Variants in NDST3 observed in about 807,000 individuals in gnomAD.
NDST3 encodes the protein bifunctional heparan sulfate N-deacetylase/N-sulfotransferase 3.
NDST3 carries 58 observed loss-of-function variants against 96.1 expected under a neutral mutation model. The ratio of observed to expected loss-of-function variants is 0.60; its 90% confidence interval spans 0.49 to 0.75. NDST3 has a LOEUF of 0.75. Among genes scored for constraint, NDST3 ranks in the 30% least tolerant of loss-of-function variants. NDST3 has a pLI of 0.00. For missense variants in NDST3, 788 were observed against 1,034.2 expected, an observed-to-expected ratio of 0.76 and a Z score of 3.27; for synonymous variants, 333 against 359.7, an observed-to-expected ratio of 0.93 and a Z score of 0.84.
intron 4 of NDST3, among the ~76,000 whole-genome samples, chr4:118,127,427 A>G (rs1732203660): frequency 6.6e-6 from 1 of 152,070 alleles, no homozygotes; most frequent in Non-Finnish European, 1.5e-5. Flanking sequence ...TAGTTTTTCA[A>G]GCACCATTTG....
chr4:118,232,260 A>G (rs956904028), intron 8 of NDST3, among the ~76,000 whole-genome samples: 4 of 152,166 alleles, frequency 2.6e-5, no homozygotes, highest in African/African-American at 7.2e-5. Context: ...ATTACCGTCA[A>G]AATGTCTTCA....
rs201586980 is a variant in NDST3, at chr4:118,168,541, AC to A, written c.1539+24858del. Among the ~76,000 whole-genome samples the A allele has an allele frequency of 9.1e-3, 1,378 of 152,226 alleles. 25 individuals are homozygous for A. The highest frequency in any genetic ancestry group is 0.082 in the Middle Eastern group (24 of 294). On this transcript the variant is annotated intron_variant, in intron 6 of 13. Transcript: ENST00000296499. ...ACAGTTGGTAAGAATGTAAAATGGT[AC>A]GGCTGCTATGGAAAACTATGGAGGT... is the stretch of plus-strand genomic sequence containing the variant.
intron 6 of NDST3, among the ~76,000 whole-genome samples, chr4:118,219,395 C>T (rs898853048): frequency 6.6e-6 from 1 of 152,108 alleles, no homozygotes; most frequent in Non-Finnish European, 1.5e-5. Context: ...CATACATCTA[C>T]AACCATCTGA....
rs553931504 is a variant in NDST3, at chr4:118,106,824, C to T, written c.1069+1719C>T. On this transcript the variant is annotated intron_variant, in intron 3 of 13. Coordinates refer to ENST00000296499, the MANE Select transcript of NDST3 (RefSeq NM_004784.3). ...AAATCTAATTGGCTGGGTGTGGTGG[C>T]TCATGCCTGTAATCCCAGCACTTTG... Among the ~76,000 whole-genome samples, 253 of 152,176 alleles carry T rather than the reference C, an allele frequency of 1.7e-3. 2 individuals carry two copies. Among genetic ancestry groups the T allele is most frequent in the African/African-American group, 5.8e-3 (242 of 41,528 alleles).
Position 118,054,702 on chromosome 4 carries a change from T to C in NDST3, c.792T>C (p.His264=). 16 of 1,613,456 alleles carry C rather than the reference T, an allele frequency of 9.9e-6. No homozygotes were observed. Among genetic ancestry groups the C allele is most frequent in the Non-Finnish European group, 1.4e-5 (16 of 1,179,536 alleles). Residue 264 remains histidine (H), a synonymous_variant, in exon 2 of 14, where the codon CAT becomes CAC. Transcript: ENST00000296499. The part of the protein sequence containing the change: ...YATIIHDLGL[H]DGIQRVLFGN... Reference sequence around the variant, plus strand: ...CTATTATACATGACCTGGGGCTTCATGATGGAATTCAAAGGGTTCTTTTTG... The same window carrying C: ...CTATTATACATGACCTGGGGCTTCACGATGGAATTCAAAGGGTTCTTTTTG...
chr4:118,164,182 C>A (rs1306056951), intron 6 of NDST3, among the ~76,000 whole-genome samples: 1 of 152,112 alleles, frequency 6.6e-6, no homozygotes, highest in African/African-American at 2.4e-5. Context: ...AAAATCACAT[C>A]CTTTGCAAGA....
intron 6 of NDST3, among the ~76,000 whole-genome samples, chr4:118,148,669 A>T (rs1160105777): frequency 6.6e-6 from 1 of 152,192 alleles, no homozygotes; most frequent in Non-Finnish European, 1.5e-5. Context: ...TATAAAAAGA[A>T]ATTAACCCAC....
chr4:118,204,308 A>G (rs1738299678), intron 6 of NDST3, among the ~76,000 whole-genome samples: 1 of 145,628 alleles, frequency 6.9e-6, no homozygotes, highest in South Asian at 2.3e-4. Flanking sequence ...AAAAAGCCTT[A>G]GACAAATTAA....
intron 2 of NDST3, among the ~76,000 whole-genome samples, chr4:118,086,607 A>G (rs1236271794): frequency 6.6e-6 from 1 of 152,154 alleles, no homozygotes; most frequent in Non-Finnish European, 1.5e-5. Flanking sequence ...TTAGTGTCAA[A>G]GTAAAAGTCA....
rs938993171 is a variant in NDST3 at position 118,090,171 on chromosome 4, C to T, written c.982-14847C>T. On this transcript the variant is annotated intron_variant, in intron 2 of 13. Coordinates refer to ENST00000296499, the MANE Select transcript of NDST3 (RefSeq NM_004784.3). Reference sequence around the variant, plus strand: ...AAGAAGCCGTTAAAACCACCTATACCTACACCTATATAACTAGCACATTCC... The same window carrying T: ...AAGAAGCCGTTAAAACCACCTATACTTACACCTATATAACTAGCACATTCC... Among the ~76,000 whole-genome samples, 26 of 152,060 alleles carry T rather than the reference C, an allele frequency of 1.7e-4. No individual in the cohort carries two copies. The East Asian group carries it at 4.8e-3, about 28-fold the overall frequency.
intron 2 of NDST3, among the ~76,000 whole-genome samples, chr4:118,065,376 G>A (rs1042623698): frequency 4.6e-5 from 7 of 152,030 alleles, no homozygotes; most frequent in African/African-American, 7.2e-5. Context: ...GCTGTTAAAC[G>A]CTTCATATCC....
intron 9 of NDST3, among the ~76,000 whole-genome samples, chr4:118,236,047 G>T (rs1244326514): frequency 1.3e-5 from 2 of 151,924 alleles, no homozygotes; most frequent in Non-Finnish European, 2.9e-5. Flanking sequence ...AAAAAAAACA[G>T]GTCATTGCAT....
intron 7 of NDST3, among the ~76,000 whole-genome samples, chr4:118,225,552 C>A (rs1739817586): frequency 6.6e-6 from 1 of 152,150 alleles, no homozygotes; most frequent in Admixed American, 6.5e-5. Flanking sequence ...GAGCAGGAAT[C>A]AGTTGTAGGC....
intron 9 of NDST3, among the ~76,000 whole-genome samples, chr4:118,235,471 T>C (rs1181668302): frequency 1.3e-5 from 2 of 152,190 alleles, no homozygotes; most frequent in African/African-American, 2.4e-5. Context: ...CAACACATTA[T>C]AGGTCCAAGA....
chr4:118,047,431 T>C (rs1351926258), intron 1 of NDST3, among the ~76,000 whole-genome samples: 1 of 152,208 alleles, frequency 6.6e-6, no homozygotes, highest in Non-Finnish European at 1.5e-5. Flanking sequence ...ATGACAGACA[T>C]ATTATTTAGA....
At chr4:118,243,136 G>A (rs1303806288) in intron 12 of NDST3, among the ~76,000 whole-genome samples, 1 of 133,894 alleles carries the variant, frequency 7.5e-6, no homozygotes, top group Non-Finnish European at 1.8e-5. Flanking sequence ...AACTGAAAAA[G>A]ACTATCATGG....
chr4:118,059,118 C>G (rs1233758729), intron 2 of NDST3, among the ~76,000 whole-genome samples: 1 of 152,058 alleles, frequency 6.6e-6, no homozygotes, highest in Non-Finnish European at 1.5e-5. Flanking sequence ...GGTACACATT[C>G]CTTTCAAACT....
At chr4:118,181,989 T>C (rs1736636167) in intron 6 of NDST3, among the ~76,000 whole-genome samples, 2 of 152,172 alleles carry the variant, frequency 1.3e-5, no homozygotes, top group South Asian at 4.1e-4. Flanking sequence ...AAGTCATCTC[T>C]GCAGAGGTGC....
rs67248472 is a variant in NDST3 at position 118,101,368 on chromosome 4, GA to G, written c.982-3636del. On this transcript the variant is annotated intron_variant, in intron 2 of 13. Transcript: ENST00000296499. Reference sequence around the variant, plus strand: ...TCTTAGCTTTACAGAATGAAGACTTGAAAAAAAAAAAAAACTAAGTTAGTGG... The same window carrying G: ...TCTTAGCTTTACAGAATGAAGACTTGAAAAAAAAAAAAACTAAGTTAGTGG... Among the ~76,000 whole-genome samples the G allele has an allele frequency of 1.1e-3, 151 of 141,560 alleles. 2 individuals carry two copies. Among genetic ancestry groups the G allele is most frequent in the African/African-American group, 3.7e-3 (136 of 37,202 alleles). The allele number at this position is 141,560 out of a possible 152,430, so 92.9% of individuals were successfully genotyped here. A position where few individuals can be genotyped will look rare whatever the true frequency, so the allele number is the denominator to read the frequency against.
Sources: gnomAD v4.1 joint callset for allele counts (sites outside exome capture counted in the v4.1 genomes callset) on GRCh38, gnomAD v4.1.1 for gene constraint, MANE v1.5 for transcripts, NCBI Gene and HGNC (gene_info 2026-07-23, HGNC 2026-07-21) for gene names.